The following FLNB variants were observed in gnomAD, a reference collection of about 807,000 sequenced individuals.
FLNB encodes the protein filamin B, also known as filamin-B.
In FLNB, 111 loss-of-function variants were observed where a neutral mutation model predicts 250.6. The ratio of observed to expected loss-of-function variants is 0.44; its 90% confidence interval spans 0.38 to 0.52. The LOEUF (loss-of-function observed/expected upper bound fraction) is 0.52. Ranked by LOEUF, FLNB falls within the 20% of genes least tolerant of loss-of-function variation. The pLI is 0.00. For missense variants in FLNB, 2,869 were observed against 3,447.8 expected (o/e 0.83, Z 4.20); for synonymous variants, 1,302 against 1,372.1 (o/e 0.95, Z 1.13).
At chr3:58,136,298 A>G in intron 28 of FLNB, 130 bp downstream of exon 28, 1 of 833,034 alleles carries the variant, frequency 1.2e-6, no homozygotes, top group East Asian at 2.6e-5. Flanking sequence ...CTTCAGTTTG[A>G]CATAGATTGA....
At chr3:58,071,336 TG>T (rs1465806475) in intron 1 of FLNB, among the ~76,000 whole-genome samples, 1 of 141,484 alleles carries the variant, frequency 7.1e-6, no homozygotes, top group Admixed American at 7.7e-5. Flanking sequence ...TGGAGTGCAG[TG>T]GGGTGATCTT....
At chr3:58,115,302 C>G (rs561885775) in intron 18 of FLNB, among the ~76,000 whole-genome samples, 6 of 152,302 alleles carry the variant, frequency 3.9e-5, no homozygotes, top group African/African-American at 1.2e-4. Flanking sequence ...CACCAGAAAG[C>G]CATAGCTGTC....
At chr3:58,059,016 C>T (rs1452616476) in intron 1 of FLNB, among the ~76,000 whole-genome samples, 3 of 152,212 alleles carry the variant, frequency 2.0e-5, no homozygotes, top group Non-Finnish European at 2.9e-5. Context: ...GGCAAATTCC[C>T]TGTGACACTG....
intron 25 of FLNB, 114 bp from the exon 26 acceptor site, chr3:58,132,691 CTCA>C: frequency 7.7e-7 from 1 of 1,297,706 alleles, no homozygotes. Context: ...CTTTTTGTTA[CTCA>C]TCAGTGGAAA....
chr3:58,164,087 A>C lies in FLNB; in HGVS notation c.7198+757A>C, dbSNP rs2097366413. The C allele has an allele frequency of 6.6e-6, 1 of 152,386 alleles. No individual in the cohort carries two copies. Among genetic ancestry groups the C allele is most frequent in the Non-Finnish European group, 1.5e-5 (1 of 68,176 alleles). The allele number at this position is 152,386 out of a possible 1,614,324, so 9.4% of individuals were successfully genotyped here. On this transcript the variant is annotated intron_variant, in intron 43 of 45. Coordinates refer to ENST00000295956, the MANE Select transcript of FLNB (RefSeq NM_001457.4). The surrounding 1 kb of genome is among the most constrained non-coding windows in gnomAD (Gnocchi z 4.0). ...GGGTTGGTTAGCTAATTGGTTCATT[A>C]GACAAGCAGACACAGAGTTTTGCTT...
At chr3:58,103,315 C>T (rs539505547) in intron 9 of FLNB, among the ~76,000 whole-genome samples, 208 of 151,330 alleles carry the variant, frequency 1.4e-3, no homozygotes, top group African/African-American at 4.7e-3. Flanking sequence ...CATGCCTCTG[C>T]GTATGTGTGC....
chr3:58,017,496 G>A (rs947469509), intron 1 of FLNB, among the ~76,000 whole-genome samples: 11 of 152,032 alleles, frequency 7.2e-5, no homozygotes, highest in African/African-American at 2.4e-4. Flanking sequence ...CAGGTGATCC[G>A]CCCGCTTTGG....
chr3:58,170,736 A>G lies in FLNB; in HGVS notation c.7783A>G (p.Ser2595Gly). The change falls in exon 46 of 46, where the codon AGC becomes GGC. Residue 2595 changes from serine (S) to glycine (G), a missense_variant. Ser to Gly is a moderately conservative substitution (Grantham distance 56). Coordinates refer to ENST00000295956, the MANE Select transcript of FLNB (RefSeq NM_001457.4). The stretch of plus-strand genomic sequence containing the variant: ...GTGGGGGGAGGAACACATCCCTGGC[A>G]GCCCTTTTCATGTCACAGTGCCTTA... ...VKWGEEHIPG[S>G]PFHVTVP 1.2e-6 allele frequency: 2 copies of G among 1,614,188 alleles called. No homozygotes were observed. The highest frequency in any genetic ancestry group is 2.2e-5 in the South Asian group (2 of 91,078).
At chr3:58,158,659 A>T (rs575989431) in intron 41 of FLNB, among the ~76,000 whole-genome samples, 1 of 152,360 alleles carries the variant, frequency 6.6e-6, no homozygotes, top group Admixed American at 6.5e-5. Context: ...TAGTCTTAAA[A>T]TATCTCAAAT....
chr3:58,127,586 C>T (rs1426851027), intron 24 of FLNB, among the ~76,000 whole-genome samples: 2 of 152,138 alleles, frequency 1.3e-5, no homozygotes, highest in African/African-American at 4.8e-5. Flanking sequence ...AGACTTTTGT[C>T]AGCATCCCTG....
chr3:58,103,964 C>A lies in FLNB; in HGVS notation c.1489C>A (p.Leu497Met). The A allele has an allele frequency of 6.2e-7, 1 of 1,614,074 alleles. No homozygotes were observed. Among genetic ancestry groups the A allele is most frequent in the Non-Finnish European group, 8.5e-7 (1 of 1,179,994 alleles). Residue 497 changes from leucine (L) to methionine (M), a missense_variant, in exon 10 of 46, where the codon CTG becomes ATG. This residue lies in a region of FLNB where 1,348 missense variants were observed against 1,466.7 expected (regional missense o/e 0.92). Coordinates refer to ENST00000295956, the MANE Select transcript of FLNB (RefSeq NM_001457.4). ...TATCTCCTTCCTTCCCACAGAGGGT[C>A]TGGAGGAGCTGGTGAAGCAGAAAGA... Reference protein sequence around the residue: ...LGVTMKGPKGLEELVKQKDFL... With the variant: ...LGVTMKGPKGMEELVKQKDFL...
In FLNB at chr3:58,137,060, G is replaced by T. The variant is rs569750498; in HGVS notation, c.4861+892G>T. ...AAGAACAGCCCTTGGGCAGCTCAGT[G>T]CTGCTGCTCAAGCAGATTTTAAAAC... On this transcript the variant is annotated intron_variant, in intron 28 of 45. Transcript: ENST00000295956. Among the ~76,000 whole-genome samples, 4 of 152,296 alleles carry T rather than the reference G, an allele frequency of 2.6e-5. No individual in the cohort carries two copies. In the South Asian group the frequency reaches 8.3e-4, roughly 32 times the overall value.
intron 1 of FLNB, among the ~76,000 whole-genome samples, chr3:58,010,699 A>G (rs1390579461): frequency 6.6e-6 from 1 of 152,246 alleles, no homozygotes; most frequent in Non-Finnish European, 1.5e-5. Context: ...AAAGTAAACC[A>G]GAAGTATCCA....
chr3:58,128,611 A>T (rs192929662), intron 24 of FLNB, among the ~76,000 whole-genome samples: 2 of 152,144 alleles, frequency 1.3e-5, no homozygotes, highest in East Asian at 3.9e-4. Flanking sequence ...AGAGTTGGGC[A>T]CAGGAAACGG....
At chr3:58,073,429 G>A (rs1278243485) in intron 1 of FLNB, among the ~76,000 whole-genome samples, 2 of 152,062 alleles carry the variant, frequency 1.3e-5, no homozygotes, top group African/African-American at 4.8e-5. Flanking sequence ...TTCCGTGCAG[G>A]GCCTGGAGTT....
intron 1 of FLNB, among the ~76,000 whole-genome samples, chr3:58,015,348 C>G (rs2097104369): frequency 6.6e-6 from 1 of 152,202 alleles, no homozygotes; most frequent in African/African-American, 2.4e-5. Context: ...TGTCTTCTGT[C>G]TATTCTCTGG....
At chr3:58,135,345 T>C (rs1203374928) in intron 27 of FLNB, among the ~76,000 whole-genome samples, 1 of 152,224 alleles carries the variant, frequency 6.6e-6, no homozygotes, top group Non-Finnish European at 1.5e-5. Flanking sequence ...TCCATCTCTC[T>C]GCTCCTCTAC....
intron 42 of FLNB, among the ~76,000 whole-genome samples, chr3:58,160,038 C>A (rs1367931673): frequency 6.6e-6 from 1 of 150,992 alleles, no homozygotes. Flanking sequence ...ACCCTGTCTC[C>A]AGAAAAAAAA....
chr3:58,168,369 A>C (rs2097374573), intron 43 of FLNB, 71 bp from the exon 44 acceptor site: 2 of 1,177,880 alleles, frequency 1.7e-6, no homozygotes, highest in Admixed American at 3.7e-5. Flanking sequence ...TGTGTCCCTC[A>C]CCACGGCCTC....
Sources: allele counts gnomAD v4.1 joint callset (sites outside exome capture counted in the v4.1 genomes callset), GRCh38; gene constraint gnomAD v4.1.1; regional missense constraint gnomAD v4.1.1; non-coding constraint Gnocchi (gnomAD v3.1); transcripts MANE v1.5; gene names NCBI Gene and HGNC (gene_info 2026-07-23, HGNC 2026-07-21).